The following ENOX1 variants were observed in gnomAD, a reference collection of about 807,000 sequenced individuals.
ENOX1 encodes the protein candidate growth-related and time keeping constitutive hydroquinone (NADH) oxidase.
ENOX1 carries 42 observed loss-of-function variants against 82.5 expected under a neutral mutation model. The ratio of observed to expected loss-of-function variants is 0.51; its 90% CI spans 0.40 to 0.66. The LOEUF (loss-of-function observed/expected upper bound fraction) is 0.66. Ranked by LOEUF, ENOX1 falls within the 30% of genes least tolerant of loss-of-function variation. The pLI, the probability that ENOX1 is intolerant of heterozygous loss-of-function variation, is 0.00. For synonymous variants in ENOX1, 271 were observed against 282.2 expected (o/e 0.96, Z 0.40); for missense variants, 608 against 811.6 (o/e 0.75, Z 3.05).
At chr13:43,623,699 G>A (rs765269656) in intron 2 of ENOX1, among the ~76,000 whole-genome samples, 8 of 152,022 alleles carry the variant, frequency 5.3e-5, no homozygotes, top group African/African-American at 9.7e-5. Flanking sequence ...GTGAGTCCCC[G>A]CACACTGCTC....
At chr13:43,298,211 T>C (rs1283452908) in intron 12 of ENOX1, 135 bp downstream of exon 12, 1 of 880,324 alleles carries the variant, frequency 1.1e-6, no homozygotes, top group African/African-American at 1.7e-5. Flanking sequence ...TTAGCACTTT[T>C]CTGTCCTAGT....
intron 2 of ENOX1, among the ~76,000 whole-genome samples, chr13:43,663,720 T>C (rs1386534281): frequency 1.3e-5 from 2 of 152,026 alleles, no homozygotes; most frequent in Admixed American, 6.6e-5. Context: ...AGAGTGGTCA[T>C]ATGAACAAGC....
At chr13:43,468,667 T>C (rs1474060833) in intron 3 of ENOX1, among the ~76,000 whole-genome samples, 1 of 152,004 alleles carries the variant, frequency 6.6e-6, no homozygotes, top group African/African-American at 2.4e-5. Flanking sequence ...AGATAAGATT[T>C]TCATAGGGAT....
At chr13:43,585,516 C>T (rs1039057085) in intron 2 of ENOX1, among the ~76,000 whole-genome samples, 3 of 152,220 alleles carry the variant, frequency 2.0e-5, no homozygotes, top group African/African-American at 4.8e-5. Context: ...CAGTTAACCA[C>T]CCTGCCACTT....
At chr13:43,274,190 T>G (rs564404175) in intron 12 of ENOX1, among the ~76,000 whole-genome samples, 3 of 152,364 alleles carry the variant, frequency 2.0e-5, no homozygotes, top group Admixed American at 1.3e-4. Flanking sequence ...CTTTTTAATC[T>G]GAAAAGAAAT....
intron 3 of ENOX1, among the ~76,000 whole-genome samples, chr13:43,469,691 C>A (rs1593356400): frequency 1.3e-5 from 2 of 151,828 alleles, no homozygotes; most frequent in South Asian, 2.1e-4. Flanking sequence ...CAATTCTTCC[C>A]AAACTGATCC....
intron 2 of ENOX1, among the ~76,000 whole-genome samples, chr13:43,625,549 T>C (rs950136345): frequency 5.3e-5 from 8 of 152,004 alleles, no homozygotes; most frequent in African/African-American, 1.9e-4. Context: ...ATTTTCATCA[T>C]AAATAAGTGT....
At chr13:43,214,386 C>T (rs1426437000) in intron 16 of ENOX1, among the ~76,000 whole-genome samples, 1 of 152,086 alleles carries the variant, frequency 6.6e-6, no homozygotes, top group African/African-American at 2.4e-5. Context: ...TTACTGGCAG[C>T]ACCATTCCTG....
chr13:43,288,687 A>C (rs575572498), intron 12 of ENOX1, among the ~76,000 whole-genome samples: 5 of 152,292 alleles, frequency 3.3e-5, no homozygotes, highest in Admixed American at 6.5e-5. Flanking sequence ...CAATAACCAG[A>C]TCATTGTGTA....
intron 2 of ENOX1, among the ~76,000 whole-genome samples, chr13:43,505,234 A>G (rs1329670778): frequency 6.6e-6 from 1 of 151,928 alleles, no homozygotes; most frequent in Non-Finnish European, 1.5e-5. Context: ...AAATCTACAA[A>G]GCCAAAGAAA....
At chr13:43,762,468 T>C (rs933292679) in intron 1 of ENOX1, among the ~76,000 whole-genome samples, 3 of 152,220 alleles carry the variant, frequency 2.0e-5, no homozygotes, top group Non-Finnish European at 2.9e-5. Context: ...TGAGATAAAA[T>C]TTGAATTTAA....
intron 3 of ENOX1, among the ~76,000 whole-genome samples, chr13:43,455,093 T>C (rs963317970): frequency 5.3e-5 from 8 of 152,192 alleles, no homozygotes; most frequent in African/African-American, 1.9e-4. Flanking sequence ...TAGAGCACAT[T>C]CTCTAGTAGC....
intron 1 of ENOX1, among the ~76,000 whole-genome samples, chr13:43,740,778 CAT>C (rs756806651): frequency 7.2e-5 from 11 of 152,308 alleles, no homozygotes; most frequent in Admixed American, 1.3e-4. Flanking sequence ...TTACACTTCA[CAT>C]GTTTTTAAGG....
At chr13:43,559,635 C>A (rs1433021406) in intron 2 of ENOX1, among the ~76,000 whole-genome samples, 3 of 152,104 alleles carry the variant, frequency 2.0e-5, no homozygotes, top group Non-Finnish European at 4.4e-5. Flanking sequence ...CAGAACAAGA[C>A]CCCAAACTGC....
intron 2 of ENOX1, among the ~76,000 whole-genome samples, chr13:43,559,236 G>C (rs57546506): frequency 0.08 from 12,112 of 152,156 alleles, 625 homozygotes; most frequent in East Asian, 0.27. Context: ...AATATGCAAG[G>C]GGCTTATTCA....
At chr13:43,563,976 TC>T (rs1354948850) in intron 2 of ENOX1, among the ~76,000 whole-genome samples, 4 of 151,448 alleles carry the variant, frequency 2.6e-5, no homozygotes, top group Admixed American at 6.6e-5. Context: ...AAGGAATACT[TC>T]CAAACTGAGG....
intron 2 of ENOX1, among the ~76,000 whole-genome samples, chr13:43,652,740 T>A (rs1431624421): frequency 6.6e-6 from 1 of 152,162 alleles, no homozygotes; most frequent in Non-Finnish European, 1.5e-5. Context: ...ACTTTCATAG[T>A]GGGCAGGAAG....
intron 5 of ENOX1, among the ~76,000 whole-genome samples, chr13:43,372,397 C>T (rs2051301334): frequency 6.6e-6 from 1 of 152,180 alleles, no homozygotes; most frequent in Non-Finnish European, 1.5e-5. Flanking sequence ...CCTCATGCTT[C>T]CCTTCCTTTC....
chr13:43,574,893 AT>A (rs2080346018), intron 2 of ENOX1, among the ~76,000 whole-genome samples: 1 of 152,222 alleles, frequency 6.6e-6, no homozygotes, highest in Non-Finnish European at 1.5e-5. Flanking sequence ...ACTGGCATCC[AT>A]GTGGAGAGAC....
Sources: gnomAD v4.1 joint callset for allele counts (sites outside exome capture counted in the v4.1 genomes callset) on GRCh38, gnomAD v4.1.1 for gene constraint, MANE v1.5 for transcripts, NCBI Gene and HGNC (gene_info 2026-07-23, HGNC 2026-07-21) for gene names.